The following ACOX3 variants were observed in gnomAD, a reference collection of about 807,000 sequenced individuals.
ACOX3 encodes the protein peroxisomal acyl-coenzyme A oxidase 3.
In ACOX3, 73 loss-of-function variants were observed where a neutral mutation model predicts 81.5. That is an observed-to-expected ratio of 0.90 (90% CI 0.74 to 1.09). The LOEUF is 1.09. Ranked by LOEUF, ACOX3 falls within the 50% of genes least tolerant of loss-of-function variation. ACOX3 has a pLI of 0.00. For missense variants in ACOX3, 947 were observed against 928.0 expected (o/e 1.02, Z -0.27); for synonymous variants, 387 against 375.1 (o/e 1.03, Z -0.37).
At chr4:8,378,909 T>C (rs868005538) in intron 14 of ACOX3, among the ~76,000 whole-genome samples, 1 of 152,186 alleles carries the variant, frequency 6.6e-6, no homozygotes, top group African/African-American at 2.4e-5. Flanking sequence ...ACCCTCTCCA[T>C]GAACGGTGCT....
In ACOX3 at chr4:8,419,270, C is replaced by A. The variant is rs1383425827; in HGVS notation, c.-14-2735G>T. 6.6e-6 allele frequency among the ~76,000 whole-genome samples: 1 copy of A among 151,710 alleles called. No individual in the cohort carries two copies. Among genetic ancestry groups the A allele is most frequent in the Non-Finnish European group, 1.5e-5 (1 of 67,908 alleles). On this transcript the variant is annotated intron_variant, in intron 1 of 17. Transcript: ENST00000356406. The surrounding 1 kb of genome is among the most constrained non-coding windows in gnomAD (Gnocchi z 4.2). ...CCAACATGGTGAAACCTCATCTCTA[C>A]TAAAAATACAAAAAAATTAGCCGGG... is the stretch of plus-strand genomic sequence containing the variant.
intron 14 of ACOX3, among the ~76,000 whole-genome samples, chr4:8,376,179 A>C (rs1716939889): frequency 6.6e-6 from 1 of 151,864 alleles, no homozygotes; most frequent in Non-Finnish European, 1.5e-5. Context: ...AGCATCTGTT[A>C]TTTTTCTTTT....
rs1255322627 is a variant in ACOX3, at chr4:8,430,621, C to T, written c.-15+10027G>A. 9.2e-5 allele frequency among the ~76,000 whole-genome samples: 14 copies of T among 152,040 alleles called. No homozygotes were observed. Among genetic ancestry groups the T allele is most frequent in the African/African-American group, 2.9e-4 (12 of 41,390 alleles). On this transcript the variant is annotated intron_variant, in intron 1 of 17. Transcript: ENST00000356406. This position sits in a 1 kb window ranked among gnomAD's most constrained non-coding sequence, Gnocchi z 5.2. ...CTATAATCTTAGCACTTTGGGAGGT[C>T]GAGGTGGGCAGATCACTTGAGGTCA... is the stretch of plus-strand genomic sequence containing the variant.
chr4:8,362,751 G>A (rs146342633), downstream of ACOX3, among the ~76,000 whole-genome samples: 459 of 152,312 alleles, frequency 3.0e-3, no homozygotes, highest in Admixed American at 6.1e-3. Flanking sequence ...GGCTCAAGAG[G>A]AGAGGAATTT....
downstream of ACOX3, among the ~76,000 whole-genome samples, chr4:8,364,493 C>T (rs57254469): frequency 1.2e-4 from 11 of 93,638 alleles, no homozygotes; most frequent in African/African-American, 2.3e-4. The surrounding 1 kb of genome is among the most constrained non-coding windows in gnomAD (Gnocchi z 5.0). Context: ...GAGAACCCGT[C>T]GTGTCTGACA....
intron 9 of ACOX3, among the ~76,000 whole-genome samples, chr4:8,396,347 C>A (rs1298039322): frequency 6.6e-6 from 1 of 152,220 alleles, no homozygotes. Context: ...GAACGTGCGG[C>A]CGTGCACACA....
At chr4:8,427,427 G>C (rs1056494940) in intron 1 of ACOX3, among the ~76,000 whole-genome samples, 1 of 152,136 alleles carries the variant, frequency 6.6e-6, no homozygotes, top group African/African-American at 2.4e-5. Flanking sequence ...GGCTGCTGTC[G>C]CAGACGCCCC....
intron 9 of ACOX3, among the ~76,000 whole-genome samples, chr4:8,396,286 G>A (rs1361921484): frequency 6.6e-6 from 1 of 152,212 alleles, no homozygotes; most frequent in African/African-American, 2.4e-5. Context: ...GTCAAAGAGT[G>A]TGCACAGGGC....
chr4:8,414,952 CAACAGGG>C lies in ACOX3; in HGVS notation c.379-31_379-25del. 1.2e-6 allele frequency: 2 copies of C among 1,610,026 alleles called. No individual in the cohort carries two copies. Among genetic ancestry groups the C allele is most frequent in the Non-Finnish European group, 1.7e-6 (2 of 1,176,228 alleles). On this transcript the variant is annotated intron_variant, in intron 3 of 17. Transcript: ENST00000356406. The surrounding 1 kb of genome is among the most constrained non-coding windows in gnomAD (Gnocchi z 6.1). ...ACCTGAAAGTATAACATCGTCCTAT[CAACAGGG>C]GGCAGGTAAGAAGAGTACTGCTCTT...
chr4:8,365,566 T>A (rs1226343313), downstream of ACOX3, among the ~76,000 whole-genome samples: 1 of 152,224 alleles, frequency 6.6e-6, no homozygotes, highest in Non-Finnish European at 1.5e-5. Flanking sequence ...TCCAGCCTAT[T>A]GGGACCAGTC....
Position 8,406,874 on chromosome 4 carries a change from G to A in ACOX3, c.688-831C>T, listed in dbSNP as rs1044530328. On this transcript the variant is annotated intron_variant, in intron 6 of 17. Transcript: ENST00000356406. This position sits in a 1 kb window ranked among gnomAD's most constrained non-coding sequence, Gnocchi z 5.6. Reference sequence around the variant, plus strand: ...CTGAAGCACGGCATCACAGGGAGACGGTTAGTCCTCCGGATAACTGCGGGC... The same window carrying A: ...CTGAAGCACGGCATCACAGGGAGACAGTTAGTCCTCCGGATAACTGCGGGC... 3.9e-5 allele frequency among the ~76,000 whole-genome samples: 6 copies of A among 152,282 alleles called. No homozygotes were observed. Among genetic ancestry groups the A allele is most frequent in the East Asian group, 1.9e-4 (1 of 5,180 alleles).
intron 7 of ACOX3, among the ~76,000 whole-genome samples, chr4:8,404,024 T>C (rs1189742382): frequency 6.6e-6 from 1 of 152,210 alleles, no homozygotes; most frequent in Non-Finnish European, 1.5e-5. Flanking sequence ...CCGGGTCTAA[T>C]AAAAGGATGC....
rs570604257 is a variant in ACOX3, at chr4:8,397,510, G to A, written c.874-391C>T. ...GCCTGTACTGCCAGAGGGCAGGGGC[G>A]GAGTCCATTACAGGCAGCCTTTCCA... On this transcript the variant is annotated intron_variant, in intron 8 of 17. Transcript: ENST00000356406. Among the ~76,000 whole-genome samples, 9 of 152,350 alleles carry A rather than the reference G, an allele frequency of 5.9e-5. No homozygotes were observed. In the South Asian group the frequency reaches 1.2e-3, roughly 21 times the overall value.
intron 1 of ACOX3, among the ~76,000 whole-genome samples, chr4:8,427,206 G>T: frequency 6.6e-6 from 1 of 152,182 alleles, no homozygotes; most frequent in East Asian, 1.9e-4. Flanking sequence ...GAAATAATCA[G>T]ATCATCTGTC....
chr4:8,399,323 G>T lies in ACOX3; in HGVS notation c.873+233C>A, dbSNP rs1720080675. ...AATCGCAGCCCCCGATGGGGAGTGG[G>T]CATTGTAAGGCCCGGACTCACCCCC... On this transcript the variant is annotated intron_variant, in intron 8 of 17. Coordinates refer to ENST00000356406, the MANE Select transcript of ACOX3 (RefSeq NM_003501.3). The surrounding 1 kb of genome is among the most constrained non-coding windows in gnomAD (Gnocchi z 4.9). Among the ~76,000 whole-genome samples, 2 of 152,226 alleles carry T rather than the reference G, an allele frequency of 1.3e-5. No homozygotes were observed. Among genetic ancestry groups the T allele is most frequent in the African/African-American group, 2.4e-5 (1 of 41,454 alleles).
rs148004347 is a variant in ACOX3, at chr4:8,374,218, G to A, written c.1829-590C>T. 1,398 of 155,510 alleles carry A rather than the reference G, an allele frequency of 9.0e-3. 9 individuals carry two copies. The highest frequency in any genetic ancestry group is 0.014 in the Admixed American group (220 of 15,806). The allele number at this position is 155,510 out of a possible 1,614,324, so 9.6% of individuals were successfully genotyped here. A position where few individuals can be genotyped will look rare whatever the true frequency, so the allele number is the denominator to read the frequency against. On this transcript the variant is annotated intron_variant, in intron 15 of 17. Coordinates refer to ENST00000356406, the MANE Select transcript of ACOX3 (RefSeq NM_003501.3). ...GGGATCTGCGTTTGCTGTGATTTCC[G>A]CTGGAGAGAACTGTGTCTCATCACT...
the ACOX3 span, chr4:8,355,432 G>A: frequency 6.6e-6 from 1 of 152,258 alleles, no homozygotes; most frequent in African/African-American, 2.4e-5. Context: ...TGCAGACACA[G>A]GTCCAGCGAC....
At chr4:8,390,975 G>A (rs1026346152) in intron 11 of ACOX3, among the ~76,000 whole-genome samples, 9 of 150,028 alleles carry the variant, frequency 6.0e-5, no homozygotes, top group African/African-American at 2.0e-4. Flanking sequence ...ATGGAGCCTC[G>A]GTCATATTGG....
At chr4:8,379,860 A>G (rs192940631) in intron 14 of ACOX3, among the ~76,000 whole-genome samples, 5 of 151,522 alleles carry the variant, frequency 3.3e-5, no homozygotes, top group Admixed American at 3.3e-4. Flanking sequence ...ATCACGGCCT[A>G]CTGCAGCCTC....
Sources: allele counts gnomAD v4.1 joint callset (sites outside exome capture counted in the v4.1 genomes callset), GRCh38; gene constraint gnomAD v4.1.1; non-coding constraint Gnocchi (gnomAD v3.1); transcripts MANE v1.5; gene names NCBI Gene and HGNC (gene_info 2026-07-23, HGNC 2026-07-21).